USP34: variants seen among roughly 807,000 people sequenced by gnomAD.
The protein encoded by USP34 is ubiquitin carboxyl-terminal hydrolase 34.
Under a neutral mutation model 460.3 loss-of-function variants are expected in USP34, and 70 were observed. The observed-to-expected ratio is 0.15, with a 90% confidence interval of 0.13 to 0.19. The LOEUF (loss-of-function observed/expected upper bound fraction) is 0.19, where lower values mean the gene tolerates loss of function less well. USP34 is among the 10% of genes least tolerant of loss of function. The pLI, the probability that USP34 is intolerant of heterozygous loss-of-function variation, is 1.00. For synonymous variants in USP34, 1,647 were observed against 1,405.3 expected (o/e 1.17, Z -3.85); for missense variants, 3,985 against 4,236.2 (o/e 0.94, Z 1.65).
At chr2:61,275,201 C>A (rs1463478642) in intron 41 of USP34, among the ~76,000 whole-genome samples, 1 of 152,102 alleles carries the variant, frequency 6.6e-6, no homozygotes. Flanking sequence ...ACTGCTTGAG[C>A]CTGGGAGGTG....
Position 61,192,889 on chromosome 2 carries a change from C to G in USP34, c.9588+12G>C. On this transcript the variant is annotated intron_variant, in intron 76 of 79. Coordinates refer to ENST00000398571, the MANE Select transcript of USP34 (RefSeq NM_014709.4). ...GATTAAAGACCAATCATCTAAAACT[C>G]ATTTTCTTTACCTGAGTCTGGCATA... The G allele has an allele frequency of 6.2e-7, 1 of 1,610,326 alleles. No homozygotes were observed. The highest frequency in any genetic ancestry group is 8.5e-7 in the Non-Finnish European group (1 of 1,177,680).
At chr2:61,214,817 ATC>A in intron 67 of USP34, 123 bp from the exon 68 acceptor site, 1 of 1,134,586 alleles carries the variant, frequency 8.8e-7, no homozygotes, top group Admixed American at 3.1e-5. Flanking sequence ...GGACATGAAC[ATC>A]TCTTTTAGTA....
In USP34 at chr2:61,266,010, T is replaced by C. The variant is rs1218118671; in HGVS notation, c.5591A>G (p.Asn1864Ser). 1 of 1,610,792 alleles carries C rather than the reference T, an allele frequency of 6.2e-7. No individual in the cohort carries two copies. The highest frequency in any genetic ancestry group is 8.5e-7 in the Non-Finnish European group (1 of 1,177,624). ...GSVENYRLIH[N>S]WVMAQHMQSH... ...CTGCATGTGTTGTGCCATAACCCAG[T>C]TGTGTATTAGCCTGTAGTTCTCAAC... Residue 1864 changes from asparagine (N) to serine (S), a missense_variant, in exon 42 of 80, where the codon AAC becomes AGC. Transcript: ENST00000398571.
chr2:61,389,989 A>AT (rs1693292850), intron 5 of USP34, among the ~76,000 whole-genome samples: 1 of 152,188 alleles, frequency 6.6e-6, no homozygotes, highest in Non-Finnish European at 1.5e-5. Flanking sequence ...TAGTAAAGAG[A>AT]TATCAAAAAA....
intron 10 of USP34, among the ~76,000 whole-genome samples, chr2:61,360,550 A>G (rs1692243819): frequency 6.6e-6 from 1 of 152,240 alleles, no homozygotes; most frequent in Non-Finnish European, 1.5e-5. Flanking sequence ...AAGAAGAAAC[A>G]CATAAATAAA....
intron 10 of USP34, among the ~76,000 whole-genome samples, chr2:61,355,483 T>G (rs934668634): frequency 1.3e-5 from 2 of 152,198 alleles, no homozygotes; most frequent in Non-Finnish European, 2.9e-5. Flanking sequence ...GAGCAGAGTT[T>G]TTACATGGCA....
At chr2:61,401,876 C>T (rs1243530807) in intron 3 of USP34, among the ~76,000 whole-genome samples, 1 of 150,486 alleles carries the variant, frequency 6.6e-6, no homozygotes, top group African/African-American at 2.4e-5. Flanking sequence ...TAATCTTTTT[C>T]CCTATACTTA....
chr2:61,301,938 G>A (rs1471871293), intron 27 of USP34, among the ~76,000 whole-genome samples: 11 of 151,782 alleles, frequency 7.2e-5, no homozygotes, highest in Non-Finnish European at 1.3e-4. Flanking sequence ...GGATGGGAGG[G>A]TGAGGAGAAA....
rs184042720 is a variant in USP34, at chr2:61,321,211, G to A, written c.3014-1884C>T. ...AAAATGGCCAGGCGCAGTGGCTCAT[G>A]CCTGTAATCCCAGCACTTTGGGAGG... On this transcript the variant is annotated intron_variant, in intron 21 of 79. Coordinates refer to ENST00000398571, the MANE Select transcript of USP34 (RefSeq NM_014709.4). Among the ~76,000 whole-genome samples, 425 of 152,092 alleles carry A rather than the reference G, an allele frequency of 2.8e-3. 1 individual carries two copies. The highest frequency in any genetic ancestry group is 9.5e-3 in the African/African-American group (395 of 41,504).
At chr2:61,459,839 C>A (rs1025947131) in intron 1 of USP34, among the ~76,000 whole-genome samples, 5 of 151,164 alleles carry the variant, frequency 3.3e-5, no homozygotes, top group Non-Finnish European at 7.4e-5. Context: ...GTGGGCAGAT[C>A]ACCTGAGGTC....
intron 75 of USP34, among the ~76,000 whole-genome samples, chr2:61,197,206 G>C (rs914171109): frequency 1.3e-5 from 2 of 152,202 alleles, no homozygotes; most frequent in Admixed American, 6.5e-5. Context: ...TGGAGGCAGA[G>C]GTTGCAGTGA....
intron 43 of USP34, among the ~76,000 whole-genome samples, chr2:61,261,887 G>GAGGTC (rs1688890092): frequency 6.6e-6 from 1 of 151,296 alleles, no homozygotes; most frequent in Admixed American, 6.6e-5. Context: ...GGGGGATCAC[G>GAGGTC]AGGTCAGGAG....
At chr2:61,233,375 GA>G (rs1383248076) in intron 57 of USP34, among the ~76,000 whole-genome samples, 3 of 150,394 alleles carry the variant, frequency 2.0e-5, no homozygotes, top group African/African-American at 7.3e-5. Context: ...ATGGCATGGA[GA>G]AAAAAAAAGT....
intron 49 of USP34, among the ~76,000 whole-genome samples, chr2:61,247,426 AT>A (rs1417503752): frequency 6.6e-6 from 1 of 152,232 alleles, no homozygotes; most frequent in Non-Finnish European, 1.5e-5. Flanking sequence ...GGCCTAACAA[AT>A]TCCTTTATCC....
intron 1 of USP34, among the ~76,000 whole-genome samples, chr2:61,435,447 A>T (rs967282696): frequency 1.3e-5 from 2 of 152,046 alleles, no homozygotes; most frequent in African/African-American, 2.4e-5. Flanking sequence ...TAACAGAGTT[A>T]AAGTACTAAA....
At chr2:61,276,446 A>C (rs1396434332) in intron 41 of USP34, among the ~76,000 whole-genome samples, 1 of 152,148 alleles carries the variant, frequency 6.6e-6, no homozygotes, top group Non-Finnish European at 1.5e-5. Context: ...ACAGAATACT[A>C]TTTATAAACT....
intron 34 of USP34, among the ~76,000 whole-genome samples, chr2:61,286,137 T>C (rs538822349): frequency 1.3e-5 from 2 of 152,266 alleles, no homozygotes; most frequent in African/African-American, 2.4e-5. Flanking sequence ...CTTTTTAAAA[T>C]GCTATTAAAA....
intron 1 of USP34, among the ~76,000 whole-genome samples, chr2:61,454,416 G>A (rs576197509): frequency 5.9e-4 from 89 of 150,308 alleles, no homozygotes; most frequent in Admixed American, 1.2e-3. Flanking sequence ...GAGCCACTGC[G>A]CCCAGCCAGT....
intron 2 of USP34, among the ~76,000 whole-genome samples, chr2:61,408,895 CA>C: frequency 6.6e-6 from 1 of 151,640 alleles, no homozygotes; most frequent in Admixed American, 6.6e-5. Flanking sequence ...CACTCCCTCT[CA>C]AAAAAACAAA....
Sources: gnomAD v4.1 joint callset for allele counts (sites outside exome capture counted in the v4.1 genomes callset) on GRCh38, gnomAD v4.1.1 for gene constraint, MANE v1.5 for transcripts, NCBI Gene and HGNC (gene_info 2026-07-23, HGNC 2026-07-21) for gene names.